Variants in TNS1 observed in about 807,000 individuals in gnomAD.
TNS1 encodes tensin-1.
TNS1 carries 62 observed loss-of-function variants against 168.6 expected under a neutral mutation model. The ratio of observed to expected loss-of-function variants is 0.37; its 90% CI spans 0.30 to 0.45. The LOEUF (loss-of-function observed/expected upper bound fraction) is 0.45, where lower values mean the gene tolerates loss of function less well. Ranked by LOEUF, TNS1 falls within the 20% of genes least tolerant of loss-of-function variation. TNS1 has a pLI of 1.00. For synonymous variants in TNS1, 934 were observed against 933.2 expected (o/e 1.00, Z -0.02); for missense variants, 2,240 against 2,339.4 (o/e 0.96, Z 0.88).
intron 3 of TNS1, among the ~76,000 whole-genome samples, chr2:217,950,526 T>C (rs1220443485): frequency 2.0e-5 from 3 of 150,996 alleles, no homozygotes; most frequent in Non-Finnish European, 1.5e-5. Context: ...CTGGGGGAGG[T>C]GAGGAGGTCT....
intron 3 of TNS1, among the ~76,000 whole-genome samples, chr2:217,950,055 A>G (rs1026620437): frequency 8.5e-5 from 13 of 152,246 alleles, no homozygotes; most frequent in African/African-American, 2.9e-4. Flanking sequence ...TAAGAATTCT[A>G]CTCTACTCCA....
At chr2:217,932,902 G>A (rs1019434810) in intron 3 of TNS1, among the ~76,000 whole-genome samples, 8 of 152,134 alleles carry the variant, frequency 5.3e-5, no homozygotes, top group Non-Finnish European at 7.3e-5. Context: ...CACAATTAGC[G>A]CGCATCGGGG....
At chr2:217,910,008 C>T (rs1163841548) in intron 4 of TNS1, among the ~76,000 whole-genome samples, 1 of 152,180 alleles carries the variant, frequency 6.6e-6, no homozygotes, top group African/African-American at 2.4e-5. Context: ...TGTTTATCGT[C>T]TCTAGCCTCG....
chr2:217,850,392 G>A (rs898894356), intron 18 of TNS1: 4 of 985,226 alleles, frequency 4.1e-6, no homozygotes, highest in African/African-American at 1.7e-5. Context: ...GTCTTCATGG[G>A]GGAGAGGGTC....
intron 1 of TNS1, among the ~76,000 whole-genome samples, chr2:218,001,855 G>A (rs1375120063): frequency 6.6e-6 from 1 of 152,068 alleles, no homozygotes; most frequent in Non-Finnish European, 1.5e-5. Context: ...CCAGAACAAG[G>A]AAAGGGACAG....
At chr2:217,997,262 C>T (rs1202399024) in intron 1 of TNS1, among the ~76,000 whole-genome samples, 2 of 152,154 alleles carry the variant, frequency 1.3e-5, no homozygotes, top group African/African-American at 2.4e-5. Flanking sequence ...CTCAGAAATT[C>T]AGCATCAATA....
At chr2:217,903,255 G>A (rs985365768) in intron 6 of TNS1, among the ~76,000 whole-genome samples, 2 of 152,086 alleles carry the variant, frequency 1.3e-5, no homozygotes, top group Non-Finnish European at 2.9e-5. Context: ...ACCTCAGAGA[G>A]CTTATATTTT....
In TNS1 at chr2:217,813,452, A is replaced by C; in HGVS notation, c.4862-145T>G. 1 of 892,958 alleles carries C rather than the reference A, an allele frequency of 1.1e-6. No homozygotes were observed. The highest frequency in any genetic ancestry group is 1.6e-5 in the South Asian group (1 of 60,612). The allele number at this position is 892,958 out of a possible 1,614,324, so 55.3% of individuals were successfully genotyped here. Reference sequence around the variant, plus strand: ...AGAGAACGTGGCTGGAGCCCCATGGACTGCAGAGCCCACTGCTGCTCTCCC... The same window carrying C: ...AGAGAACGTGGCTGGAGCCCCATGGCCTGCAGAGCCCACTGCTGCTCTCCC... On this transcript the variant is annotated intron_variant, in intron 26 of 32. Coordinates refer to ENST00000682258, the MANE Select transcript of TNS1 (RefSeq NM_001387777.1). The surrounding 1 kb of genome is among the most constrained non-coding windows in gnomAD (Gnocchi z 4.0).
At chr2:217,884,357 G>A (rs765730238) in intron 16 of TNS1, among the ~76,000 whole-genome samples, 8 of 152,188 alleles carry the variant, frequency 5.3e-5, no homozygotes, top group Non-Finnish European at 8.8e-5. Context: ...GTGTAAGGAT[G>A]GATTGGTGGA....
chr2:217,829,735 T>C, intron 22 of TNS1: 1 of 1,315,180 alleles, frequency 7.6e-7, no homozygotes, highest in South Asian at 1.2e-5. Context: ...CCTGGTCGCC[T>C]GAGTCCCAGT....
At chr2:217,817,626 A>G (rs1237944325) in intron 24 of TNS1, 64 bp downstream of exon 24, 1 of 1,367,450 alleles carries the variant, frequency 7.3e-7, no homozygotes, top group Non-Finnish European at 1.0e-6. Context: ...ACTGGGATAG[A>G]TATTTCACTC....
intron 22 of TNS1, 22 bp from the exon 23 acceptor site, chr2:217,821,960 A>G: frequency 6.4e-7 from 1 of 1,566,570 alleles, no homozygotes; most frequent in East Asian, 2.4e-5. Context: ...AAGAGGACAG[A>G]GACACTGAGC....
intron 3 of TNS1, chr2:217,936,923 G>C: frequency 2.2e-6 from 1 of 456,724 alleles, no homozygotes; most frequent in Non-Finnish European, 4.4e-6. Flanking sequence ...CTAAGGCTCA[G>C]ACCCATGTAG....
At chr2:217,967,999 C>G (rs1239772630) in intron 3 of TNS1, among the ~76,000 whole-genome samples, 1 of 152,156 alleles carries the variant, frequency 6.6e-6, no homozygotes, top group Non-Finnish European at 1.5e-5. Context: ...GTTTTAACAA[C>G]TGAAAATCAA....
At chr2:217,845,406 T>C (rs1479504418) in intron 19 of TNS1, among the ~76,000 whole-genome samples, 2 of 152,226 alleles carry the variant, frequency 1.3e-5, no homozygotes, top group African/African-American at 4.8e-5. Context: ...TCTGCCTTTA[T>C]CTACACAGGC....
intron 13 of TNS1, 65 bp downstream of exon 13, chr2:217,886,469 G>T: frequency 3.7e-6 from 5 of 1,338,012 alleles, no homozygotes; most frequent in Non-Finnish European, 5.2e-6. Context: ...TTGCCTCTTA[G>T]AGAAGATGGA....
chr2:218,033,558 A>G lies in TNS1; in HGVS notation c.156+262T>C, dbSNP rs1261616599. ...CTCCTAAACCAACCTCACCCAACCTATTTGCCCTTCTAGGGGTCAGGTCCT... is the reference window on the plus strand; with the variant it reads ...CTCCTAAACCAACCTCACCCAACCTGTTTGCCCTTCTAGGGGTCAGGTCCT... On this transcript the variant is annotated intron_variant, in intron 1 of 1. Transcript: ENST00000649572. The surrounding 1 kb of genome is among the most constrained non-coding windows in gnomAD (Gnocchi z 4.3). 2.0e-5 allele frequency among the ~76,000 whole-genome samples: 3 copies of G among 151,772 alleles called. No individual in the cohort carries two copies. The highest frequency in any genetic ancestry group is 6.6e-5 in the Admixed American group (1 of 15,238).
chr2:217,966,982 T>C (rs115495805), intron 3 of TNS1, among the ~76,000 whole-genome samples: 2,440 of 152,296 alleles, frequency 0.016, 75 homozygotes, highest in African/African-American at 0.053. Flanking sequence ...AAGGATTAAA[T>C]GAGAAGAGTG....
At position 217,803,789 on chromosome 2, in the gene TNS1, C is replaced by T. The variant is rs1441878940; in HGVS notation, c.*670G>A. 1 of 152,774 alleles carries T rather than the reference C, an allele frequency of 6.5e-6. No homozygotes were observed. The highest frequency in any genetic ancestry group is 2.4e-5 in the African/African-American group (1 of 41,444). 9.5% of individuals were successfully genotyped at this position (152,774 alleles called of 1,614,324 possible). A position where few individuals can be genotyped will look rare whatever the true frequency, so the allele number is the denominator to read the frequency against. On this transcript the variant is annotated 3_prime_UTR_variant, in exon 33 of 33. Transcript: ENST00000682258. The stretch of plus-strand genomic sequence containing the variant: ...GACAGTATGCATGTGTGTCTACAAA[C>T]ACATGGGACAAGGACAAGCCGAGCT...
Sources: gnomAD v4.1 joint callset for allele counts (sites outside exome capture counted in the v4.1 genomes callset) on GRCh38, gnomAD v4.1.1 for gene constraint, Gnocchi (gnomAD v3.1) non-coding constraint, MANE v1.5 for transcripts, NCBI Gene and HGNC (gene_info 2026-07-23, HGNC 2026-07-21) for gene names.